Variants in DNASE2B observed in about 807,000 individuals in gnomAD.
The protein encoded by DNASE2B is deoxyribonuclease-2-beta.
DNASE2B carries 43 observed loss-of-function variants against 46.0 expected under a neutral mutation model. The observed-to-expected ratio is 0.94, with a 90% CI of 0.73 to 1.21. The LOEUF (loss-of-function observed/expected upper bound fraction) is 1.21. Ranked by LOEUF, DNASE2B falls within the 50% of genes most tolerant of loss-of-function variation. DNASE2B has a pLI of 0.00. For missense variants in DNASE2B, 395 were observed against 414.4 expected, an observed-to-expected ratio of 0.95 and a Z score of 0.41; for synonymous variants, 156 against 152.5, an observed-to-expected ratio of 1.02 and a Z score of -0.17.
At chr1:84,408,348 T>C (rs150912442) in intron 2 of DNASE2B, 89 bp from the exon 3 acceptor site, 17,795 of 1,436,654 alleles carry the variant, frequency 0.012, 148 homozygotes, top group Middle Eastern at 0.022. Flanking sequence ...ATGAAAGCAA[T>C]GTATTGCAGG....
chr1:84,411,562 C>A (rs1034015013), intron 4 of DNASE2B, among the ~76,000 whole-genome samples: 1 of 151,616 alleles, frequency 6.6e-6, no homozygotes, highest in Non-Finnish European at 1.5e-5. Flanking sequence ...GTTTTCCAGG[C>A]CACATGTTCC....
intron 2 of DNASE2B, 109 bp downstream of exon 2, chr1:84,402,187 C>G: frequency 9.1e-7 from 1 of 1,097,880 alleles, no homozygotes; most frequent in Non-Finnish European, 1.3e-6. Context: ...AATCCTAGCA[C>G]CTTGAAGTGA....
intron 3 of DNASE2B, among the ~76,000 whole-genome samples, chr1:84,409,736 A>G (rs6661172): frequency 0.17 from 26,424 of 152,184 alleles, 2,439 homozygotes; most frequent in African/African-American, 0.2. Flanking sequence ...AACTGCCACA[A>G]GGCTTTGGGG....
intron 4 of DNASE2B, among the ~76,000 whole-genome samples, chr1:84,412,019 A>C (rs1019048121): frequency 2.0e-5 from 3 of 152,204 alleles, no homozygotes; most frequent in African/African-American, 4.8e-5. Context: ...AAACTTCATA[A>C]TCTTGGGTGT....
chr1:84,411,138 A>T, intron 4 of DNASE2B, 139 bp downstream of exon 4: 1 of 1,104,282 alleles, frequency 9.1e-7, no homozygotes, highest in Non-Finnish European at 1.3e-6. Flanking sequence ...TGGCTTTGCC[A>T]TGGTGAGGTC....
At chr1:84,400,528 T>C (rs769769803) in intron 1 of DNASE2B, among the ~76,000 whole-genome samples, 10 of 152,176 alleles carry the variant, frequency 6.6e-5, no homozygotes, top group Non-Finnish European at 1.2e-4. Context: ...TGGGGGTTAA[T>C]GGGACATCTT....
At chr1:84,403,757 G>T (rs187085134) in intron 2 of DNASE2B, among the ~76,000 whole-genome samples, 9 of 151,938 alleles carry the variant, frequency 5.9e-5, no homozygotes, top group Admixed American at 5.9e-4. Flanking sequence ...TCACAGAAGG[G>T]TTCATGTTGT....
rs1363401732 is a variant in DNASE2B, at chr1:84,414,668, C to T, written c.886C>T (p.His296Tyr). 6.2e-7 allele frequency: 1 copy of T among 1,614,162 alleles called. No homozygotes were observed. The highest frequency in any genetic ancestry group is 8.5e-7 in the Non-Finnish European group (1 of 1,180,024). ...YNIKAIKLSR[H>Y]SYFSSYQDHA... Reference sequence around the variant, plus strand: ...TATAAAAGCAATTAAATTATCACGACACTCTTATTTCAGTTCTTATCAAGA... The same window carrying T: ...TATAAAAGCAATTAAATTATCACGATACTCTTATTTCAGTTCTTATCAAGA... Residue 296 changes from histidine (H) to tyrosine (Y), a missense_variant, in exon 6 of 6, where the codon CAC becomes TAC. Physicochemically the swap from His to Tyr is moderately conservative, Grantham distance 83. Transcript: ENST00000370665.
Position 84,411,014 on chromosome 1 carries a change from T to A in DNASE2B, c.547+15T>A. Reference sequence around the variant, plus strand: ...TGAGGCAATAGGTAAAACTAAAGTATGTGAGAAAAAAAACGATAACTATGT... The same window carrying A: ...TGAGGCAATAGGTAAAACTAAAGTAAGTGAGAAAAAAAACGATAACTATGT... On this transcript the variant is annotated intron_variant, in intron 4 of 5. Coordinates refer to ENST00000370665, the MANE Select transcript of DNASE2B (RefSeq NM_021233.3). 6.4e-7 allele frequency: 1 copy of A among 1,551,414 alleles called. No homozygotes were observed. The highest frequency in any genetic ancestry group is 1.6e-5 in the African/African-American group (1 of 62,972).
chr1:84,411,028 C>T, intron 4 of DNASE2B, 29 bp downstream of exon 4: 5 of 1,574,062 alleles, frequency 3.2e-6, no homozygotes, highest in Middle Eastern at 1.7e-4. Context: ...AGAAAAAAAA[C>T]GATAACTATG....
At chr1:84,408,595 A>C in intron 3 of DNASE2B, 77 bp downstream of exon 3, 3 of 1,296,724 alleles carry the variant, frequency 2.3e-6, no homozygotes, top group Non-Finnish European at 3.2e-6. Flanking sequence ...GAGTATCCTT[A>C]TATTCCATAC....
At chr1:84,410,458 T>G (rs1224464546) in intron 3 of DNASE2B, among the ~76,000 whole-genome samples, 1 of 152,264 alleles carries the variant, frequency 6.6e-6, no homozygotes, top group Admixed American at 6.5e-5. Flanking sequence ...GAAAAGAGCC[T>G]AGCTGCTTAG....
chr1:84,412,336 T>G lies in DNASE2B; in HGVS notation c.548-13T>G. ...CTTAATTCTCAACTTTTCTTTACTG[T>G]TTCTTGATTCAGATTCTCAGCTCTT... On this transcript the variant is annotated splice_polypyrimidine_tract_variant and intron_variant, in intron 4 of 5. Transcript: ENST00000370665. The G allele has an allele frequency of 2.0e-6, 3 of 1,506,324 alleles. No individual in the cohort carries two copies. Among genetic ancestry groups the G allele is most frequent in the Non-Finnish European group, 2.7e-6 (3 of 1,119,442 alleles). 93.3% of individuals were successfully genotyped at this position (1,506,324 alleles called of 1,614,324 possible). A position where few individuals can be genotyped will look rare whatever the true frequency, so the allele number is the denominator to read the frequency against.
At chr1:84,406,325 A>G (rs1046248816) in intron 2 of DNASE2B, among the ~76,000 whole-genome samples, 1 of 152,212 alleles carries the variant, frequency 6.6e-6, no homozygotes, top group African/African-American at 2.4e-5. Flanking sequence ...AGGAAAGAGC[A>G]ACATTGTAAA....
intron 5 of DNASE2B, among the ~76,000 whole-genome samples, chr1:84,413,887 C>T (rs548275149): frequency 1.3e-5 from 2 of 152,266 alleles, no homozygotes; most frequent in African/African-American, 4.8e-5. Flanking sequence ...CTTTTTCTGA[C>T]CCTTCTATCA....
chr1:84,404,450 ATGG>A (rs1680469061), intron 2 of DNASE2B, among the ~76,000 whole-genome samples: 1 of 152,224 alleles, frequency 6.6e-6, no homozygotes, highest in Admixed American at 6.5e-5. Flanking sequence ...TATAACAGAA[ATGG>A]CATCTTCAAC....
chr1:84,407,431 A>G (rs777384628), intron 2 of DNASE2B, among the ~76,000 whole-genome samples: 1 of 152,186 alleles, frequency 6.6e-6, no homozygotes, highest in Non-Finnish European at 1.5e-5. Context: ...TCCTAAGCAC[A>G]GTAGACAAGA....
chr1:84,412,536 T>C lies in DNASE2B; in HGVS notation c.735T>C (p.Ser245=), dbSNP rs1218894304. The C allele has an allele frequency of 3.1e-6, 5 of 1,608,544 alleles. No individual in the cohort carries two copies. The highest frequency in any genetic ancestry group is 4.2e-6 in the Non-Finnish European group (5 of 1,176,828). Residue 245 remains serine, a synonymous_variant, in exon 5 of 6, where the codon TCT becomes TCC. Coordinates refer to ENST00000370665, the MANE Select transcript of DNASE2B (RefSeq NM_021233.3). ...TCCTCCATTTTGCAAAGTCGGATTC[T>C]TTTCTTGACGGTATGAAAGACCATC... ...QKFLHFAKSD[S]FLDDIFAAWM... is the part of the protein sequence containing the mutation.
intron 3 of DNASE2B, among the ~76,000 whole-genome samples, chr1:84,409,993 A>G (rs752055807): frequency 1.5e-4 from 23 of 152,176 alleles, no homozygotes; most frequent in Admixed American, 5.9e-4. Flanking sequence ...CTTTCTTAAA[A>G]TAGGCACTTT....
Sources: allele counts gnomAD v4.1 joint callset (sites outside exome capture counted in the v4.1 genomes callset), GRCh38; gene constraint gnomAD v4.1.1; transcripts MANE v1.5; gene names NCBI Gene and HGNC (gene_info 2026-07-23, HGNC 2026-07-21).